STX8: variants seen among roughly 807,000 people sequenced by gnomAD.
STX8 encodes syntaxin-8.
Under a neutral mutation model 37.5 loss-of-function variants are expected in STX8, and 23 were observed. The observed-to-expected ratio is 0.61, with a 90% CI of 0.44 to 0.87. The LOEUF is 0.87. Among genes scored for constraint, STX8 ranks in the 40% least tolerant of loss-of-function variants. The pLI is 0.00. For synonymous variants in STX8, 115 were observed against 99.1 expected, an observed-to-expected ratio of 1.16 and a Z score of -0.95; for missense variants, 313 against 284.7, an observed-to-expected ratio of 1.10 and a Z score of -0.71.
intron 6 of STX8, among the ~76,000 whole-genome samples, chr17:9,386,704 A>C (rs1912026954): frequency 6.6e-6 from 1 of 152,150 alleles, no homozygotes; most frequent in African/African-American, 2.4e-5. Context: ...TGGGATGGTT[A>C]ATCTTTCACC....
Position 9,329,050 on chromosome 17 carries a change from CAAAAAAAAAAAAAA to C in STX8, c.643+49488_643+49501del, listed in dbSNP as rs998679728. On this transcript the variant is annotated intron_variant, in intron 7 of 7. Coordinates refer to ENST00000306357, the MANE Select transcript of STX8 (RefSeq NM_004853.3). The stretch of plus-strand genomic sequence containing the variant: ...GGGCGACAAGAGCGAGATTCCATCT[CAAAAAAAAAAAAAA>C]AAAAAAAAAAAAAAAAAAAGATGGT... 7.5e-3 allele frequency among the ~76,000 whole-genome samples: 210 copies of C among 28,010 alleles called. 1 individual carries two copies. In the East Asian group the frequency reaches 0.12, roughly 17 times the overall value. 18.4% of individuals were successfully genotyped at this position (28,010 alleles called of 152,430 possible).
In STX8 at chr17:9,250,611, A is replaced by C; in HGVS notation, c.678T>G (p.Ala226=). Residue 226 remains alanine, a synonymous_variant, in exon 8 of 8, where the codon GCT becomes GCG. Coordinates refer to ENST00000306357, the MANE Select transcript of STX8 (RefSeq NM_004853.3). ...TCGGCCAGACTGCAACAACCACGATAGCCACAAGCAGCAGTAAAATCACCA... is the reference window on the plus strand; with the variant it reads ...TCGGCCAGACTGCAACAACCACGATCGCCACAAGCAGCAGTAAAATCACCA... The part of the protein sequence containing the change: ...MIMVILLLLV[A]IVVVAVWPTN The C allele has an allele frequency of 6.2e-7, 1 of 1,600,610 alleles. No homozygotes were observed. Among genetic ancestry groups the C allele is most frequent in the Non-Finnish European group, 8.5e-7 (1 of 1,173,838 alleles).
intron 7 of STX8, among the ~76,000 whole-genome samples, chr17:9,376,254 A>C (rs933346314): frequency 1.3e-5 from 2 of 152,168 alleles, no homozygotes; most frequent in Admixed American, 6.5e-5. Flanking sequence ...ACTCTGTAAA[A>C]AATGCCCCAA....
intron 4 of STX8, among the ~76,000 whole-genome samples, chr17:9,539,055 A>C (rs1906171651): frequency 6.6e-6 from 1 of 152,196 alleles, no homozygotes; most frequent in South Asian, 2.1e-4. Context: ...TAAATTAGTC[A>C]ACCATTGCTT....
intron 7 of STX8, among the ~76,000 whole-genome samples, chr17:9,327,858 C>T (rs565488307): frequency 1.3e-5 from 2 of 151,792 alleles, no homozygotes; most frequent in East Asian, 3.9e-4. Context: ...TCCTTCCTTC[C>T]TCCCTTCCTC....
chr17:9,465,374 G>A (rs957325305), intron 6 of STX8, among the ~76,000 whole-genome samples: 1 of 152,128 alleles, frequency 6.6e-6, no homozygotes, highest in Non-Finnish European at 1.5e-5. Flanking sequence ...TCATGTCTAC[G>A]TTACTGCCTG....
intron 6 of STX8, among the ~76,000 whole-genome samples, chr17:9,443,897 T>C (rs1487567436): frequency 6.6e-6 from 1 of 152,194 alleles, no homozygotes; most frequent in African/African-American, 2.4e-5. Flanking sequence ...AAATACCCAA[T>C]ATACACCCTT....
intron 6 of STX8, among the ~76,000 whole-genome samples, chr17:9,487,681 T>C (rs561519470): frequency 6.6e-6 from 1 of 152,142 alleles, no homozygotes; most frequent in South Asian, 2.1e-4. Context: ...TTTGTATATG[T>C]ACACATGTAG....
At chr17:9,364,000 A>T (rs916920254) in intron 7 of STX8, among the ~76,000 whole-genome samples, 6 of 152,012 alleles carry the variant, frequency 3.9e-5, no homozygotes, top group Admixed American at 2.0e-4. Flanking sequence ...TCCTATTCCC[A>T]CTCCCCAAAT....
chr17:9,352,173 A>T lies in STX8; in HGVS notation c.643+26379T>A, dbSNP rs369554735. Reference sequence around the variant, plus strand: ...CCTAAAAAAAAAAAAAAAGAAAAACAACAAAAAAAAACTTGGGGCTTCATA... The same window carrying T: ...CCTAAAAAAAAAAAAAAAGAAAAACTACAAAAAAAAACTTGGGGCTTCATA... On this transcript the variant is annotated intron_variant, in intron 7 of 7. Coordinates refer to ENST00000306357, the MANE Select transcript of STX8 (RefSeq NM_004853.3). Among the ~76,000 whole-genome samples the T allele has an allele frequency of 1.4e-4, 21 of 151,378 alleles. No individual in the cohort carries two copies. In the East Asian group the frequency reaches 2.1e-3, roughly 15 times the overall value.
At chr17:9,483,356 C>T (rs1906430184) in intron 6 of STX8, among the ~76,000 whole-genome samples, 2 of 152,190 alleles carry the variant, frequency 1.3e-5, no homozygotes, top group South Asian at 4.1e-4. Context: ...ACTCCCTCTG[C>T]CTCCCCTTTG....
At chr17:9,309,154 A>C (rs901272983) in intron 7 of STX8, among the ~76,000 whole-genome samples, 10 of 152,198 alleles carry the variant, frequency 6.6e-5, no homozygotes, top group African/African-American at 2.4e-4. Context: ...GCCAATATCC[A>C]GAGCTCTTTG....
chr17:9,377,303 C>CT (rs11447990), intron 7 of STX8, among the ~76,000 whole-genome samples: 10,170 of 145,174 alleles, frequency 0.07, 425 homozygotes, highest in East Asian at 0.22. Context: ...TTTTGTAATT[C>CT]TTTTTTTTTT....
At chr17:9,404,681 C>T (rs1912746340) in intron 6 of STX8, among the ~76,000 whole-genome samples, 1 of 152,166 alleles carries the variant, frequency 6.6e-6, no homozygotes, top group Non-Finnish European at 1.5e-5. Flanking sequence ...TTTCGATCTC[C>T]TGACCTCGTG....
At chr17:9,561,747 A>G (rs1165327380) in intron 2 of STX8, among the ~76,000 whole-genome samples, 2 of 151,778 alleles carry the variant, frequency 1.3e-5, no homozygotes, top group African/African-American at 4.8e-5. Context: ...TAGTATTTTT[A>G]CCTAGTAGAG....
At chr17:9,284,302 G>GTTT (rs1330800964) in intron 7 of STX8, among the ~76,000 whole-genome samples, 1 of 152,150 alleles carries the variant, frequency 6.6e-6, no homozygotes, top group Non-Finnish European at 1.5e-5. Context: ...ATCTTGCCTT[G>GTTT]TGTAAATCTT....
intron 6 of STX8, among the ~76,000 whole-genome samples, chr17:9,447,601 T>C (rs1169923159): frequency 6.6e-6 from 1 of 151,914 alleles, no homozygotes; most frequent in Non-Finnish European, 1.5e-5. Flanking sequence ...TTCTGTATTT[T>C]TAGTAGAGAT....
intron 6 of STX8, among the ~76,000 whole-genome samples, chr17:9,436,372 T>G (rs1244455728): frequency 6.6e-6 from 1 of 150,410 alleles, no homozygotes; most frequent in African/African-American, 2.4e-5. Context: ...GTACCCTACC[T>G]TTGACTTGCC....
At chr17:9,419,157 C>G (rs1913329808) in intron 6 of STX8, among the ~76,000 whole-genome samples, 1 of 151,872 alleles carries the variant, frequency 6.6e-6, no homozygotes, top group African/African-American at 2.4e-5. Context: ...GAACTCTTGG[C>G]CCCGAGTGAG....
Sources: gnomAD v4.1 joint callset for allele counts (sites outside exome capture counted in the v4.1 genomes callset) on GRCh38, gnomAD v4.1.1 for gene constraint, MANE v1.5 for transcripts, NCBI Gene and HGNC (gene_info 2026-07-23, HGNC 2026-07-21) for gene names.